WDFY4: variants seen among roughly 807,000 people sequenced by gnomAD.
WDFY4 encodes the protein WD repeat- and FYVE domain-containing protein 4.
In WDFY4, 169 loss-of-function variants were observed where a neutral mutation model predicts 351.9. That is an observed-to-expected ratio of 0.48 (90% confidence interval 0.42 to 0.55). The LOEUF (loss-of-function observed/expected upper bound fraction) is 0.55, where lower values mean the gene tolerates loss of function less well. WDFY4 is among the 20% of genes least tolerant of loss of function. WDFY4 has a pLI of 0.00. For synonymous variants in WDFY4, 1,622 were observed against 1,574.6 expected (o/e 1.03, Z -0.71); for missense variants, 3,803 against 3,935.6 (o/e 0.97, Z 0.90).
intron 43 of WDFY4, among the ~76,000 whole-genome samples, chr10:48,879,912 C>A (rs1389091667): frequency 6.6e-6 from 1 of 152,236 alleles, no homozygotes; most frequent in East Asian, 1.9e-4. Context: ...CTCTGACCAA[C>A]TCTGCTGCTG....
intron 47 of WDFY4, among the ~76,000 whole-genome samples, chr10:48,925,542 G>A (rs1430513974): frequency 2.0e-5 from 3 of 152,166 alleles, no homozygotes; most frequent in Admixed American, 6.5e-5. Flanking sequence ...TTCCTTGGGG[G>A]TATAAACATA....
intron 56 of WDFY4, among the ~76,000 whole-genome samples, chr10:48,969,468 A>G (rs915626375): frequency 6.6e-6 from 1 of 152,156 alleles, no homozygotes; most frequent in African/African-American, 2.4e-5. Flanking sequence ...TTGGCAGTGT[A>G]TACTGTCACC....
At chr10:48,794,589 G>A (rs765945001) in intron 23 of WDFY4, among the ~76,000 whole-genome samples, 1 of 151,636 alleles carries the variant, frequency 6.6e-6, no homozygotes. Flanking sequence ...GGTTGAGGGG[G>A]AAACAAAGAG....
At chr10:48,717,623 T>C (rs1207554260) in intron 2 of WDFY4, among the ~76,000 whole-genome samples, 2 of 152,228 alleles carry the variant, frequency 1.3e-5, no homozygotes, top group African/African-American at 4.8e-5. Context: ...ATCAGTAACA[T>C]GCAATCTAGT....
chr10:48,704,746 C>T (rs528827440), intron 1 of WDFY4, among the ~76,000 whole-genome samples: 29 of 152,322 alleles, frequency 1.9e-4, no homozygotes, highest in South Asian at 6.2e-4. Context: ...CTCTGGTCAC[C>T]GACTGGCGAA....
chr10:48,877,719 G>A (rs2070081610), intron 43 of WDFY4, among the ~76,000 whole-genome samples: 1 of 152,224 alleles, frequency 6.6e-6, no homozygotes, highest in Non-Finnish European at 1.5e-5. Flanking sequence ...GCCTTCAAAA[G>A]GGTGGCTCTG....
At chr10:48,748,770 G>T (rs1391742558) in intron 12 of WDFY4, among the ~76,000 whole-genome samples, 1 of 152,216 alleles carries the variant, frequency 6.6e-6, no homozygotes, top group Non-Finnish European at 1.5e-5. Flanking sequence ...CCCCCTCCAG[G>T]GAGTCTGCAG....
At position 48,900,259 on chromosome 10, in the gene WDFY4, C is replaced by G. The variant is rs1206709024; in HGVS notation, c.7476C>G (p.Ser2492=). 5.2e-6 allele frequency: 8 copies of G among 1,551,566 alleles called. No homozygotes were observed. Among genetic ancestry groups the G allele is most frequent in the African/African-American group, 4.1e-5 (3 of 73,034 alleles). The change falls in exon 46 of 62, where the codon TCC becomes TCG. Residue 2492 remains serine (S), a synonymous_variant. Transcript: ENST00000325239. Reference sequence around the variant, plus strand: ...AGATCTTCTTCCACAATGGATATTCCAAGTTTCTTGTCTTCTACAACAATG... The same window carrying G: ...AGATCTTCTTCCACAATGGATATTCGAAGTTTCTTGTCTTCTACAACAATG... ...ALEIFFHNGY[S]KFLVFYNNDR...
At chr10:48,965,091 G>A (rs1590006251) in intron 54 of WDFY4, among the ~76,000 whole-genome samples, 2 of 152,116 alleles carry the variant, frequency 1.3e-5, no homozygotes, top group Admixed American at 1.3e-4. Flanking sequence ...TTAGCCTAAT[G>A]GTTTCATTTC....
intron 39 of WDFY4, among the ~76,000 whole-genome samples, chr10:48,857,477 A>G (rs559098422): frequency 1.6e-4 from 25 of 152,186 alleles, no homozygotes; most frequent in African/African-American, 5.8e-4. Context: ...ATGCAATTTC[A>G]ACACGGGAAA....
At chr10:48,699,915 C>T (rs1462224901) in intron 1 of WDFY4, among the ~76,000 whole-genome samples, 3 of 152,134 alleles carry the variant, frequency 2.0e-5, no homozygotes, top group Admixed American at 2.0e-4. Flanking sequence ...GTCCCTGAAC[C>T]AGCTGCCTCC....
intron 10 of WDFY4, among the ~76,000 whole-genome samples, chr10:48,735,565 C>A (rs1252443193): frequency 6.6e-6 from 1 of 151,782 alleles, no homozygotes; most frequent in African/African-American, 2.4e-5. Flanking sequence ...TACAATAGAT[C>A]TCTTAAACTT....
At chr10:48,724,972 A>T (rs538254781) in intron 5 of WDFY4, among the ~76,000 whole-genome samples, 1 of 152,166 alleles carries the variant, frequency 6.6e-6, no homozygotes, top group Non-Finnish European at 1.5e-5. Flanking sequence ...AGTGGAGTCT[A>T]TTCTGAGGGC....
rs1017799799 is a variant in WDFY4, at chr10:48,969,068, G to C, written c.8589G>C (p.Met2863Ile). 23 of 1,551,064 alleles carry C rather than the reference G, an allele frequency of 1.5e-5. No individual in the cohort carries two copies. Among genetic ancestry groups the C allele is most frequent in the Admixed American group, 2.0e-5 (1 of 50,942 alleles). The change falls in exon 56 of 62, where the codon ATG (methionine) becomes ATC (isoleucine). Residue 2863 changes from methionine (M) to isoleucine (I), a missense_variant. This residue lies in a region of WDFY4 where 3,054 missense variants were observed against 3,148.6 expected (regional missense o/e 0.97). Coordinates refer to ENST00000325239, the MANE Select transcript of WDFY4 (RefSeq NM_001394531.1). Reference sequence around the variant, plus strand: ...GCCATACTAACTGGGGTGTAGATATGTACCTCTTTTCTCTAGGCTCAGAGT... The same window carrying C: ...GCCATACTAACTGGGGTGTAGATATCTACCTCTTTTCTCTAGGCTCAGAGT... The part of the protein sequence containing the change: ...LRPSQVTVKD[M>I]YLFSLGSESP...
At chr10:48,685,757 T>C (rs1039907266) in intron 1 of WDFY4, among the ~76,000 whole-genome samples, 23 of 152,140 alleles carry the variant, frequency 1.5e-4, no homozygotes, top group Admixed American at 1.3e-3. Context: ...CATTACCCTT[T>C]CCATGGAGCA....
chr10:48,978,285 A>T lies in WDFY4; in HGVS notation c.9292-24A>T, dbSNP rs7918431. 3,061 of 1,549,142 alleles carry T rather than the reference A, an allele frequency of 2.0e-3. 61 individuals are homozygous for T. In the African/African-American group the frequency reaches 0.037, roughly 19 times the overall value. On this transcript the variant is annotated intron_variant, in intron 59 of 61. Transcript: ENST00000325239. ...GCAGACAGGATCGTCTTCCCCGCCG[A>T]TGACATTTGCTCTTTTGGGGCAGGT...
chr10:48,727,371 T>C (rs2064304665), intron 6 of WDFY4, 99 bp from the exon 7 acceptor site: 10 of 1,225,906 alleles, frequency 8.2e-6, no homozygotes, highest in Admixed American at 2.5e-5. Flanking sequence ...CCCATTCATG[T>C]CTTGACATGT....
chr10:48,867,053 C>T (rs2069570527), intron 39 of WDFY4, among the ~76,000 whole-genome samples: 1 of 151,844 alleles, frequency 6.6e-6, no homozygotes, highest in African/African-American at 2.4e-5. Context: ...GCCTGAAATC[C>T]CAGCTACTTG....
chr10:48,902,667 G>A (rs1316120700), intron 47 of WDFY4, among the ~76,000 whole-genome samples: 1 of 151,884 alleles, frequency 6.6e-6, no homozygotes, highest in Non-Finnish European at 1.5e-5. Context: ...TTCTCACCAG[G>A]AGGACAGACA....
Sources: gnomAD v4.1 joint callset for allele counts (sites outside exome capture counted in the v4.1 genomes callset) on GRCh38, gnomAD v4.1.1 for gene constraint, gnomAD v4.1.1 regional missense constraint, MANE v1.5 for transcripts, NCBI Gene and HGNC (gene_info 2026-07-23, HGNC 2026-07-21) for gene names.